Variants in NEDD8 observed in about 807,000 individuals in gnomAD.
The protein encoded by NEDD8 is NEDD8 ubiquitin like modifier.
NEDD8 carries 1 observed loss-of-function variant against 13.8 expected under a neutral mutation model. The observed-to-expected ratio is 0.07, with a 90% CI of 0.03 to 0.34. The LOEUF (loss-of-function observed/expected upper bound fraction) is 0.34, where lower values mean the gene tolerates loss of function less well. Among genes scored for constraint, NEDD8 ranks in the 10% least tolerant of loss-of-function variants. The pLI, the probability that NEDD8 is intolerant of heterozygous loss-of-function variation, is 0.99. For missense variants in NEDD8, 10 were observed against 95.2 expected (o/e 0.10, Z 3.73); for synonymous variants, 31 against 33.2 (o/e 0.93, Z 0.23).
Position 24,216,987 on chromosome 14 carries a change from A to ATCC in NEDD8, c.*137_*139dup. The stretch of plus-strand genomic sequence containing the variant: ...TGGGCCAGGAATACTGAATCCTGGG[A>ATCC]TCCTCACAGTCTCCCACCAGTAGAC... On this transcript the variant is annotated 3_prime_UTR_variant, in exon 4 of 4. Transcript: ENST00000250495. 1.4e-6 allele frequency: 1 copy of ATCC among 696,210 alleles called. No homozygotes were observed. The highest frequency in any genetic ancestry group is 2.4e-6 in the Non-Finnish European group (1 of 414,740). The allele number at this position is 696,210 out of a possible 1,614,324, so 43.1% of individuals were successfully genotyped here.
chr14:24,227,482 A>T (rs1369054805), intron 1 of NEDD8: 1 of 152,252 alleles, frequency 6.6e-6, no homozygotes, highest in Non-Finnish European at 1.5e-5. Context: ...CATATAAATG[A>T]GTAAGACCCG....
intron 3 of NEDD8, chr14:24,217,802 A>T: frequency 4.4e-6 from 1 of 227,200 alleles, no homozygotes; most frequent in Non-Finnish European, 8.6e-6. Context: ...ATTTATAGGT[A>T]TCTTGAAAAT....
intron 1 of NEDD8, among the ~76,000 whole-genome samples, chr14:24,220,308 T>A (rs1269556898): frequency 6.6e-6 from 1 of 152,218 alleles, no homozygotes; most frequent in Non-Finnish European, 1.5e-5. Flanking sequence ...TAACATTTAC[T>A]GAAAACTATT....
chr14:24,218,588 C>T, intron 1 of NEDD8, 157 bp from the exon 2 acceptor site: 1 of 970,062 alleles, frequency 1.0e-6, no homozygotes, highest in East Asian at 2.6e-5. Flanking sequence ...TTGAACATAC[C>T]TTCATTTATC....
chr14:24,216,857 T>C lies in NEDD8; in HGVS notation c.*270A>G, dbSNP rs2039709014. 1 of 407,508 alleles carries C rather than the reference T, an allele frequency of 2.5e-6. No individual in the cohort carries two copies. Among genetic ancestry groups the C allele is most frequent in the African/African-American group, 2.0e-5 (1 of 49,432 alleles). The allele number at this position is 407,508 out of a possible 1,614,324, so 25.2% of individuals were successfully genotyped here. A position where few individuals can be genotyped will look rare whatever the true frequency, so the allele number is the denominator to read the frequency against. On this transcript the variant is annotated 3_prime_UTR_variant, in exon 4 of 4. Coordinates refer to ENST00000250495, the MANE Select transcript of NEDD8 (RefSeq NM_006156.3). ...GTCAACTTGTGCAACAGAAGAAAGA[T>C]TCCAGGAGGCCAGGAAATATTTTAT...
chr14:24,227,652 G>A (rs1017623006), intron 1 of NEDD8: 1 of 152,190 alleles, frequency 6.6e-6, no homozygotes, highest in Admixed American at 6.5e-5. Flanking sequence ...CACGAGATGG[G>A]TATTGGGATA....
chr14:24,218,499 C>T (rs1366880779), intron 1 of NEDD8, 68 bp from the exon 2 acceptor site: 3 of 1,610,894 alleles, frequency 1.9e-6, no homozygotes, highest in Middle Eastern at 1.6e-4. Context: ...GGTAAAACAT[C>T]CTATGTTGGT....
chr14:24,225,176 A>C (rs866379032), intron 1 of NEDD8, among the ~76,000 whole-genome samples: 3,861 of 151,206 alleles, frequency 0.026, 159 homozygotes, highest in African/African-American at 0.089. Context: ...TGTCTCAAAA[A>C]AAAAAAAAAA....
chr14:24,220,595 T>A (rs1258674304), intron 1 of NEDD8, among the ~76,000 whole-genome samples: 1 of 152,244 alleles, frequency 6.6e-6, no homozygotes, highest in African/African-American at 2.4e-5. Flanking sequence ...GAGCTGGGAT[T>A]ACAGGCATGA....
chr14:24,223,290 G>T (rs1385549238), intron 1 of NEDD8, among the ~76,000 whole-genome samples: 1 of 151,606 alleles, frequency 6.6e-6, no homozygotes. Flanking sequence ...CCAGCAACTG[G>T]GTACTCAGAA....
rs151226634 is a variant in NEDD8 at position 24,229,146 on chromosome 14, G to C, written c.18+3104C>G. Among the ~76,000 whole-genome samples the C allele has an allele frequency of 3.9e-5, 6 of 152,310 alleles. 1 individual carries two copies. The highest frequency in any genetic ancestry group is 8.8e-5 in the Non-Finnish European group (6 of 68,028). On this transcript the variant is annotated intron_variant, in intron 1 of 3. Coordinates refer to ENST00000250495, the MANE Select transcript of NEDD8 (RefSeq NM_006156.3). ...CCACAGAATCATAATCAGCATTTTA[G>C]CAAGACCACAGGTGATAGGACACTG...
chr14:24,217,338 G>A, intron 3 of NEDD8, 115 bp from the exon 4 acceptor site: 2 of 804,468 alleles, frequency 2.5e-6, no homozygotes. Flanking sequence ...CATCTAGGCT[G>A]GAGTACAGTG....
At chr14:24,227,615 A>G (rs2039913328) in intron 1 of NEDD8, 1 of 152,242 alleles carries the variant, frequency 6.6e-6, no homozygotes, top group South Asian at 2.1e-4. Flanking sequence ...TGTATTCCAG[A>G]CACCTGAATG....
intron 1 of NEDD8, among the ~76,000 whole-genome samples, chr14:24,231,376 T>C (rs2040013724): frequency 6.6e-6 from 1 of 151,844 alleles, no homozygotes; most frequent in Admixed American, 6.6e-5. Flanking sequence ...GAATGACTAT[T>C]ATGTACGGTA....
At chr14:24,227,184 A>G (rs572275015) in intron 1 of NEDD8, 91 of 152,380 alleles carry the variant, frequency 6.0e-4, no homozygotes, top group African/African-American at 2.1e-3. Flanking sequence ...ACATGAACGT[A>G]TGCTATTGTC....
intron 1 of NEDD8, among the ~76,000 whole-genome samples, chr14:24,219,783 C>T (rs72694315): frequency 0.011 from 1,748 of 152,214 alleles, 19 homozygotes; most frequent in Non-Finnish European, 0.015. Flanking sequence ...TCTTTGCTTC[C>T]GTTATTTTCC....
At chr14:24,228,636 T>C (rs572265718) in intron 1 of NEDD8, 1 of 148,166 alleles carries the variant, frequency 6.7e-6, no homozygotes, top group East Asian at 2.0e-4. Flanking sequence ...GGAGAATTGC[T>C]TGGGCCTGAG....
chr14:24,231,874 A>C, intron 1 of NEDD8: 3 of 227,482 alleles, frequency 1.3e-5, no homozygotes, highest in Non-Finnish European at 8.7e-6. Context: ...TACCCTGGGA[A>C]TGAAGAATGG....
chr14:24,232,348 T>C lies in NEDD8; in HGVS notation c.-81A>G, dbSNP rs796357963. The C allele has an allele frequency of 2.6e-6, 4 of 1,524,086 alleles. No homozygotes were observed. The South Asian group carries it at 3.4e-5, about 13-fold the overall frequency. The allele number at this position is 1,524,086 out of a possible 1,614,324, so 94.4% of individuals were successfully genotyped here. On this transcript the variant is annotated 5_prime_UTR_variant, in exon 1 of 4. Transcript: ENST00000250495. ...CGCCGCTGCCGCCCTCCAGCACTCT[T>C]GCCTGCAAGGGCCACTTCTACTTCC... is the stretch of plus-strand genomic sequence containing the variant.
Sources: gnomAD v4.1 joint callset for allele counts (sites outside exome capture counted in the v4.1 genomes callset) on GRCh38, gnomAD v4.1.1 for gene constraint, MANE v1.5 for transcripts, NCBI Gene and HGNC (gene_info 2026-07-23, HGNC 2026-07-21) for gene names.